DYM: variants seen among roughly 807,000 people sequenced by gnomAD.
The protein encoded by DYM is dyggve-Melchior-Clausen syndrome protein.
DYM carries 78 observed loss-of-function variants against 93.1 expected under a neutral mutation model. That is an observed-to-expected ratio of 0.84 (90% confidence interval 0.70 to 1.01). The LOEUF (loss-of-function observed/expected upper bound fraction) is 1.01. DYM is among the 50% of genes least tolerant of loss of function. DYM has a pLI of 0.00. For missense variants in DYM, 789 were observed against 845.0 expected, an observed-to-expected ratio of 0.93 and a Z score of 0.82; for synonymous variants, 321 against 319.7, an observed-to-expected ratio of 1.00 and a Z score of -0.04.
At chr18:49,387,098 C>T (rs1220641747) in intron 3 of DYM, among the ~76,000 whole-genome samples, 1 of 151,588 alleles carries the variant, frequency 6.6e-6, no homozygotes, top group East Asian at 1.9e-4. Flanking sequence ...CCATGTCTGG[C>T]TAATTTTCTT....
intron 6 of DYM, among the ~76,000 whole-genome samples, chr18:49,340,212 A>C (rs1257631592): frequency 6.6e-6 from 1 of 152,146 alleles, no homozygotes; most frequent in African/African-American, 2.4e-5. Context: ...TCGGCCTACC[A>C]AAGTGCTGGG....
chr18:49,271,708 A>C (rs920156792), intron 11 of DYM, among the ~76,000 whole-genome samples: 1 of 152,126 alleles, frequency 6.6e-6, no homozygotes, highest in East Asian at 1.9e-4. Flanking sequence ...GAGAAACATA[A>C]GACCAGTTTG....
chr18:49,251,794 A>T (rs2094293740), intron 13 of DYM, among the ~76,000 whole-genome samples: 1 of 152,178 alleles, frequency 6.6e-6, no homozygotes, highest in East Asian at 1.9e-4. Context: ...AAACCCTGGC[A>T]GTCTGGCTTC....
chr18:49,152,656 A>G lies in DYM; in HGVS notation c.1728+11029T>C, dbSNP rs571108104. On this transcript the variant is annotated intron_variant, in intron 15 of 17. Transcript: ENST00000675505. ...GGTATATACCCAAAGGAAATGAGGTATCTATATTTGCACTTGCATATTCAT... is the reference window on the plus strand; with the variant it reads ...GGTATATACCCAAAGGAAATGAGGTGTCTATATTTGCACTTGCATATTCAT... Among the ~76,000 whole-genome samples the G allele has an allele frequency of 7.9e-5, 12 of 152,364 alleles. No individual in the cohort carries two copies. The East Asian group carries it at 2.3e-3, about 29-fold the overall frequency.
chr18:49,322,648 T>A (rs1280062136), intron 8 of DYM, among the ~76,000 whole-genome samples: 1 of 152,074 alleles, frequency 6.6e-6, no homozygotes, highest in Non-Finnish European at 1.5e-5. Context: ...ATATAAACAG[T>A]GTATATACCA....
chr18:49,300,826 A>G (rs8090573), intron 8 of DYM, among the ~76,000 whole-genome samples: 6,773 of 152,152 alleles, frequency 0.045, 483 homozygotes, highest in African/African-American at 0.15. Context: ...GTTCTGTGCA[A>G]TATCATCATG....
chr18:49,447,906 T>C (rs187942334), intron 1 of DYM, among the ~76,000 whole-genome samples: 2 of 152,312 alleles, frequency 1.3e-5, no homozygotes, highest in African/African-American at 4.8e-5. Flanking sequence ...CCCCCAACAG[T>C]GAGAATCTCT....
intron 1 of DYM, among the ~76,000 whole-genome samples, chr18:49,437,249 T>C (rs1474320323): frequency 6.6e-6 from 1 of 152,172 alleles, no homozygotes; most frequent in Non-Finnish European, 1.5e-5. Context: ...CAAACATATG[T>C]TCAACCCCTT....
chr18:49,248,788 T>A (rs1568099817), intron 13 of DYM, among the ~76,000 whole-genome samples: 3 of 152,186 alleles, frequency 2.0e-5, no homozygotes, highest in African/African-American at 2.4e-5. Context: ...ATATAAAAAA[T>A]ATTATTGTCT....
intron 1 of DYM, among the ~76,000 whole-genome samples, chr18:49,456,425 T>C (rs1430140822): frequency 2.0e-5 from 3 of 152,194 alleles, no homozygotes; most frequent in African/African-American, 4.8e-5. Flanking sequence ...GAAGGAATAA[T>C]TGTCAAGATT....
intron 3 of DYM, 128 bp from the exon 4 acceptor site, chr18:49,379,886 A>T (rs767393886): frequency 5.9e-5 from 43 of 725,846 alleles, no homozygotes; most frequent in Non-Finnish European, 9.7e-5. Context: ...TGTTAATTTC[A>T]TACCTAATTA....
At chr18:49,298,639 T>C (rs2060709552) in intron 8 of DYM, among the ~76,000 whole-genome samples, 1 of 151,942 alleles carries the variant, frequency 6.6e-6, no homozygotes, top group Admixed American at 6.6e-5. Context: ...GCATAATATA[T>C]GTCATATGGA....
At chr18:49,280,337 G>C (rs2094939154) in intron 10 of DYM, among the ~76,000 whole-genome samples, 1 of 152,160 alleles carries the variant, frequency 6.6e-6, no homozygotes, top group African/African-American at 2.4e-5. Flanking sequence ...GAGACTCCAG[G>C]GAGTGAGTTC....
intron 13 of DYM, among the ~76,000 whole-genome samples, chr18:49,238,791 C>CAA (rs796615887): frequency 0.014 from 1,346 of 93,950 alleles, 22 homozygotes; most frequent in African/African-American, 0.049. Context: ...GACTCCGTCT[C>CAA]AAAAAAAAAA....
chr18:49,163,082 C>T (rs961986487), intron 15 of DYM, among the ~76,000 whole-genome samples: 5 of 152,094 alleles, frequency 3.3e-5, no homozygotes, highest in African/African-American at 1.2e-4. Context: ...TAAAATCATC[C>T]CTGCTTTTGT....
intron 8 of DYM, among the ~76,000 whole-genome samples, chr18:49,308,305 T>C (rs2061389508): frequency 6.6e-6 from 1 of 151,988 alleles, no homozygotes; most frequent in African/African-American, 2.4e-5. Flanking sequence ...TATATATATA[T>C]ATATGTATAT....
chr18:49,396,972 A>T (rs77627896), intron 2 of DYM, among the ~76,000 whole-genome samples: 13,883 of 152,192 alleles, frequency 0.091, 857 homozygotes, highest in East Asian at 0.31. Flanking sequence ...GATAAAAGGG[A>T]TAAGTTCTAA....
At position 49,286,715 on chromosome 18, in the gene DYM, C is replaced by A; in HGVS notation, c.764-99G>T. The A allele has an allele frequency of 4.2e-6, 5 of 1,201,872 alleles. No homozygotes were observed. In the South Asian group the frequency reaches 6.5e-5, roughly 16 times the overall value. The allele number at this position is 1,201,872 out of a possible 1,614,324, so 74.5% of individuals were successfully genotyped here. On this transcript the variant is annotated intron_variant, in intron 8 of 17. Transcript: ENST00000675505. ...TAATATAATACAATATGGTAATGAGCAGTTCCAAAGTGTAGAACAAGAATC... is the reference window on the plus strand; with the variant it reads ...TAATATAATACAATATGGTAATGAGAAGTTCCAAAGTGTAGAACAAGAATC...
intron 2 of DYM, among the ~76,000 whole-genome samples, chr18:49,399,095 G>A (rs925009482): frequency 1.3e-5 from 2 of 152,120 alleles, no homozygotes; most frequent in African/African-American, 2.4e-5. Context: ...GCTAGGCTTC[G>A]TGAAAGATGC....
Sources: allele counts gnomAD v4.1 joint callset (sites outside exome capture counted in the v4.1 genomes callset), GRCh38; gene constraint gnomAD v4.1.1; transcripts MANE v1.5; gene names NCBI Gene and HGNC (gene_info 2026-07-23, HGNC 2026-07-21).